TENM4: variants seen among roughly 807,000 people sequenced by gnomAD.
TENM4 encodes the protein teneurin transmembrane protein 4, also known as teneurin-4.
Under a neutral mutation model 243.3 loss-of-function variants are expected in TENM4, and 82 were observed. The observed-to-expected ratio is 0.34, with a 90% CI of 0.28 to 0.40. The LOEUF (loss-of-function observed/expected upper bound fraction) is 0.40. Ranked by LOEUF, TENM4 falls within the 10% of genes least tolerant of loss-of-function variation. TENM4 has a pLI of 1.00. For missense variants in TENM4, 3,138 were observed against 3,673.3 expected, an observed-to-expected ratio of 0.85 and a Z score of 3.77; for synonymous variants, 1,412 against 1,456.3, an observed-to-expected ratio of 0.97 and a Z score of 0.69.
intron 6 of TENM4, among the ~76,000 whole-genome samples, chr11:78,920,744 A>G (rs1856430337): frequency 6.6e-6 from 1 of 152,374 alleles, no homozygotes; most frequent in African/African-American, 2.4e-5. Context: ...TATATATAAA[A>G]GCCTTTTAAT....
At chr11:78,771,426 G>A (rs1448593894) in intron 17 of TENM4, among the ~76,000 whole-genome samples, 15 of 152,194 alleles carry the variant, frequency 9.9e-5, no homozygotes, top group Admixed American at 7.9e-4. Flanking sequence ...AAAAGTGACC[G>A]GGATTCTGGA....
At chr11:78,870,989 T>C (rs1180387238) in intron 9 of TENM4, among the ~76,000 whole-genome samples, 1 of 152,170 alleles carries the variant, frequency 6.6e-6, no homozygotes, top group African/African-American at 2.4e-5. Flanking sequence ...CTTCCGTATA[T>C]AACTAATTTA....
intron 3 of TENM4, among the ~76,000 whole-genome samples, chr11:79,164,243 A>T (rs1862846520): frequency 2.0e-5 from 1 of 50,972 alleles, no homozygotes; most frequent in Admixed American, 2.0e-4. Context: ...TACAGTATAT[A>T]TAGTATATAT....
intron 3 of TENM4, among the ~76,000 whole-genome samples, chr11:79,165,583 T>C (rs1862892722): frequency 1.3e-5 from 2 of 152,240 alleles, no homozygotes; most frequent in Non-Finnish European, 2.9e-5. Flanking sequence ...TTTCTCCTAC[T>C]CTGTGGGTTG....
chr11:78,886,013 C>A (rs1383759135), intron 9 of TENM4, among the ~76,000 whole-genome samples: 1 of 152,138 alleles, frequency 6.6e-6, no homozygotes, highest in African/African-American at 2.4e-5. Context: ...CAGATAACAG[C>A]AAAAGAAAAA....
At chr11:79,098,799 T>C (rs1861150889) in intron 4 of TENM4, among the ~76,000 whole-genome samples, 1 of 152,172 alleles carries the variant, frequency 6.6e-6, no homozygotes, top group South Asian at 2.1e-4. Context: ...AACATCATCA[T>C]CATCATCCCT....
At chr11:79,180,621 T>C (rs73508605) in intron 3 of TENM4, among the ~76,000 whole-genome samples, 2,394 of 151,596 alleles carry the variant, frequency 0.016, 84 homozygotes, top group African/African-American at 0.054. Context: ...CTTATATATA[T>C]ATTTTTATAT....
At chr11:79,066,195 T>C (rs10899584) in intron 5 of TENM4, among the ~76,000 whole-genome samples, 43,302 of 152,010 alleles carry the variant, frequency 0.28, 6,522 homozygotes, top group Non-Finnish European at 0.34. Context: ...ATCCACAGAG[T>C]GCTCTGGGAG....
At chr11:78,885,326 C>T (rs1030215207) in intron 9 of TENM4, among the ~76,000 whole-genome samples, 1 of 152,218 alleles carries the variant, frequency 6.6e-6, no homozygotes, top group Admixed American at 6.5e-5. Context: ...GTAAACTCAT[C>T]CTCAGTGGCT....
At chr11:78,719,318 C>A (rs1206016940) in intron 25 of TENM4, among the ~76,000 whole-genome samples, 2 of 152,030 alleles carry the variant, frequency 1.3e-5, no homozygotes, top group African/African-American at 4.8e-5. Context: ...ACGCTATAGT[C>A]CATGTAAAGG....
intron 9 of TENM4, among the ~76,000 whole-genome samples, chr11:78,880,302 G>A (rs1214608825): frequency 1.3e-5 from 2 of 152,014 alleles, no homozygotes; most frequent in Non-Finnish European, 2.9e-5. Flanking sequence ...AAGTACCCAG[G>A]GACACAAACA....
At chr11:79,144,963 G>A (rs1433272406) in intron 4 of TENM4, among the ~76,000 whole-genome samples, 1 of 151,900 alleles carries the variant, frequency 6.6e-6, no homozygotes, top group Admixed American at 6.6e-5. Flanking sequence ...AATGATAAAT[G>A]CTTGAGGTGA....
chr11:79,335,902 C>T (rs1857139821), intron 1 of TENM4, among the ~76,000 whole-genome samples: 1 of 152,176 alleles, frequency 6.6e-6, no homozygotes, highest in Non-Finnish European at 1.5e-5. Flanking sequence ...GGGATGAGCT[C>T]TTACAGACAG....
At chr11:79,304,509 C>T (rs1443130013) in intron 1 of TENM4, among the ~76,000 whole-genome samples, 1 of 152,150 alleles carries the variant, frequency 6.6e-6, no homozygotes, top group Non-Finnish European at 1.5e-5. Context: ...CCCTGGACAT[C>T]CACTGCTGAT....
intron 4 of TENM4, among the ~76,000 whole-genome samples, chr11:79,111,651 C>A (rs922280945): frequency 2.6e-5 from 4 of 152,176 alleles, no homozygotes; most frequent in Admixed American, 2.6e-4. Context: ...TGAAAACAAA[C>A]TGATATACTC....
At chr11:78,878,330 A>G (rs1472470944) in intron 9 of TENM4, among the ~76,000 whole-genome samples, 1 of 152,128 alleles carries the variant, frequency 6.6e-6, no homozygotes, top group East Asian at 1.9e-4. Flanking sequence ...TTCGGCCCTC[A>G]TGGAGCTCAT....
chr11:79,036,880 G>A (rs538452832), intron 6 of TENM4, among the ~76,000 whole-genome samples: 53 of 151,850 alleles, frequency 3.5e-4, no homozygotes, highest in African/African-American at 1.2e-3. Context: ...GCATGGTGGC[G>A]GTCACCTGTA....
chr11:78,917,310 C>T (rs901712218), intron 6 of TENM4, among the ~76,000 whole-genome samples: 3 of 152,166 alleles, frequency 2.0e-5, no homozygotes, highest in African/African-American at 4.8e-5. Context: ...CACCGAAGAG[C>T]GGCCATCCAA....
rs1008308136 is a variant in TENM4, at chr11:79,301,056, A to G, written c.-320-3513T>C. ...CCATCTCCATGCCCTCATTCATGAC[A>G]CCATCATCCCTCTGGGGGACTTCTG... is the stretch of plus-strand genomic sequence containing the variant. On this transcript the variant is annotated intron_variant, in intron 1 of 33. Coordinates refer to ENST00000278550, the MANE Select transcript of TENM4 (RefSeq NM_001098816.3). Among the ~76,000 whole-genome samples, 4 of 152,076 alleles carry G rather than the reference A, an allele frequency of 2.6e-5. No individual in the cohort carries two copies. In the East Asian group the frequency reaches 7.7e-4, roughly 29 times the overall value.
Sources: gnomAD v4.1 joint callset for allele counts (sites outside exome capture counted in the v4.1 genomes callset) on GRCh38, gnomAD v4.1.1 for gene constraint, MANE v1.5 for transcripts, NCBI Gene and HGNC (gene_info 2026-07-23, HGNC 2026-07-21) for gene names.